The following KIAA0753 variants were observed in gnomAD, a reference collection of about 807,000 sequenced individuals.
The protein encoded by KIAA0753 is protein moonraker.
KIAA0753 carries 114 observed loss-of-function variants against 116.9 expected under a neutral mutation model. The ratio of observed to expected loss-of-function variants is 0.98; its 90% CI spans 0.84 to 1.14. The LOEUF (loss-of-function observed/expected upper bound fraction) is 1.14, where lower values mean the gene tolerates loss of function less well. Ranked by LOEUF, KIAA0753 falls within the 50% of genes most tolerant of loss-of-function variation. KIAA0753 has a pLI of 0.00. For synonymous variants in KIAA0753, 405 were observed against 413.1 expected (o/e 0.98, Z 0.24); for missense variants, 1,156 against 1,172.4 (o/e 0.99, Z 0.20).
intron 5 of KIAA0753, 137 bp downstream of exon 5, chr17:6,623,372 G>C: frequency 1.4e-6 from 1 of 716,342 alleles, no homozygotes; most frequent in South Asian, 1.9e-5. Flanking sequence ...GAATATGTAA[G>C]GTGCTCACTC....
At chr17:6,595,470 G>A (rs1362582412) in intron 15 of KIAA0753, among the ~76,000 whole-genome samples, 4 of 151,738 alleles carry the variant, frequency 2.6e-5, no homozygotes, top group African/African-American at 7.3e-5. Flanking sequence ...GGTAAACTGC[G>A]GATCTTTAAA....
chr17:6,593,904 T>C (rs1969273072), intron 16 of KIAA0753, among the ~76,000 whole-genome samples: 1 of 152,068 alleles, frequency 6.6e-6, no homozygotes, highest in South Asian at 2.1e-4. Context: ...AAAAAATCAC[T>C]TGAAAAGGTT....
rs532758743 is a variant in KIAA0753 at position 6,620,181 on chromosome 17, T to C, written c.1315+607A>G. Among the ~76,000 whole-genome samples, 8 of 152,310 alleles carry C rather than the reference T, an allele frequency of 5.3e-5. No individual in the cohort carries two copies. In the South Asian group the frequency reaches 1.7e-3, roughly 32 times the overall value. On this transcript the variant is annotated intron_variant, in intron 7 of 18. Coordinates refer to ENST00000361413, the MANE Select transcript of KIAA0753 (RefSeq NM_014804.3). ...AACCCTCACCAGGAATCAGAAAATG[T>C]AACAGAAAACAAGAAGATGCCACTG...
chr17:6,606,326 A>T (rs575848065), intron 12 of KIAA0753, among the ~76,000 whole-genome samples: 2 of 152,328 alleles, frequency 1.3e-5, no homozygotes, highest in East Asian at 3.9e-4. Flanking sequence ...CTATAGGATG[A>T]ATTATTATCA....
At chr17:6,624,733 C>T (rs1971554878) in intron 4 of KIAA0753, 22 bp downstream of exon 4, 5 of 1,518,868 alleles carry the variant, frequency 3.3e-6, no homozygotes, top group Non-Finnish European at 3.6e-6. Context: ...GACTGCCCTA[C>T]TTCTCCCTGA....
chr17:6,586,847 C>G (rs561925566), intron 18 of KIAA0753, among the ~76,000 whole-genome samples: 13 of 152,342 alleles, frequency 8.5e-5, no homozygotes, highest in African/African-American at 3.1e-4. Context: ...ACTCAGCTTT[C>G]TCCTTACCCA....
At chr17:6,602,267 C>T (rs1166857481) in intron 12 of KIAA0753, among the ~76,000 whole-genome samples, 1 of 152,200 alleles carries the variant, frequency 6.6e-6, no homozygotes, top group Non-Finnish European at 1.5e-5. Context: ...TACTCCTAGG[C>T]ATTTACCCAA....
At chr17:6,595,994 G>GA (rs754306967) in intron 15 of KIAA0753, among the ~76,000 whole-genome samples, 164 bp downstream of exon 15, 5 of 152,136 alleles carry the variant, frequency 3.3e-5, no homozygotes, top group Non-Finnish European at 7.4e-5. Context: ...CTTATCAGAG[G>GA]GGTTGACGAT....
At chr17:6,594,342 CTT>C (rs1969309640) in intron 16 of KIAA0753, among the ~76,000 whole-genome samples, 1 of 150,198 alleles carries the variant, frequency 6.7e-6, no homozygotes, top group South Asian at 2.1e-4. Flanking sequence ...GTGGCTTAAA[CTT>C]GTTACAAACT....
intron 6 of KIAA0753, among the ~76,000 whole-genome samples, 189 bp downstream of exon 6, chr17:6,622,693 A>C (rs1313826425): frequency 6.6e-6 from 1 of 152,254 alleles, no homozygotes; most frequent in Non-Finnish European, 1.5e-5. Context: ...CGAAGCAGTG[A>C]AATACGATAA....
chr17:6,596,017 C>G, intron 15 of KIAA0753, 141 bp downstream of exon 15: 1 of 781,852 alleles, frequency 1.3e-6, no homozygotes, highest in Non-Finnish European at 2.1e-6. Flanking sequence ...CAAGGTCATA[C>G]AGTTAGTTGG....
At chr17:6,630,905 A>G (rs921958887) in intron 2 of KIAA0753, among the ~76,000 whole-genome samples, 1 of 152,228 alleles carries the variant, frequency 6.6e-6, no homozygotes, top group African/African-American at 2.4e-5. Flanking sequence ...CATCTGAATC[A>G]CTTGTGCAAA....
chr17:6,603,007 CTAAG>C (rs1461559433), intron 12 of KIAA0753, among the ~76,000 whole-genome samples: 1 of 152,030 alleles, frequency 6.6e-6, no homozygotes, highest in Admixed American at 6.5e-5. Context: ...CAGGCGACCA[CTAAG>C]TAAGAGATAT....
intron 16 of KIAA0753, among the ~76,000 whole-genome samples, chr17:6,591,047 GAAGAAGAAGAAGAAGAAGAAGAAGAAGAA>G (rs1968990916): frequency 7.3e-4 from 73 of 99,378 alleles, no homozygotes; most frequent in East Asian, 7.2e-3. Context: ...GAAGGAAGAA[GAAGAAGAAGAAGAAGAAGAAGAAGAAGAA>G]GAAGAAGAAG....
In KIAA0753 at chr17:6,603,332, G is replaced by A. The variant is rs77045725; in HGVS notation, c.2010-2874C>T. ...CAGAATTAAAGGAAATAAATTGCCA[G>A]GCTTAAAAGGTCTACTGATGAATGA... On this transcript the variant is annotated intron_variant, in intron 12 of 18. Transcript: ENST00000361413. Among the ~76,000 whole-genome samples the A allele has an allele frequency of 1.2e-4, 18 of 152,274 alleles. 1 individual carries two copies. The East Asian group carries it at 3.3e-3, about 28-fold the overall frequency.
At position 6,628,880 on chromosome 17, in the gene KIAA0753, C is replaced by T. The variant is rs148050003; in HGVS notation, c.94-139G>A. 5.7e-3 allele frequency: 4,182 copies of T among 738,856 alleles called. 21 individuals carry two copies. The highest frequency in any genetic ancestry group is 6.3e-3 in the Non-Finnish European group (2,943 of 463,696). 45.8% of individuals were successfully genotyped at this position (738,856 alleles called of 1,614,324 possible). A position where few individuals can be genotyped will look rare whatever the true frequency, so the allele number is the denominator to read the frequency against. On this transcript the variant is annotated intron_variant, in intron 2 of 18. Transcript: ENST00000361413. ...GGCATTTTTCTGTTTTACTGATAGA[C>T]ACAGCCACGCTCCTACACCCTTGGG...
rs772946351 is a variant in KIAA0753 at position 6,595,038 on chromosome 17, C to T, written c.2374G>A (p.Val792Ile). The T allele has an allele frequency of 3.7e-6, 6 of 1,606,842 alleles. No homozygotes were observed. In the Admixed American group the frequency reaches 8.4e-5, roughly 23 times the overall value. The change falls in exon 16 of 19, where the codon GTT (valine) becomes ATT (isoleucine). Residue 792 changes from valine to isoleucine, a missense_variant. Physicochemically the swap from Val to Ile is conservative, Grantham distance 29. Transcript: ENST00000361413. ...MEEMEKYQESVRQRYNKIAYA... is the reference protein window; with the variant it reads ...MEEMEKYQESIRQRYNKIAYA... ...GCGATTTTATTATATCTTTGACGAA[C>T]AGACTCCTGGTATTTCTTTAAAAAA...
chr17:6,631,031 C>T lies in KIAA0753; in HGVS notation c.94-2290G>A, dbSNP rs139883405. ...GTAGCAGATAACTTTTCTGAATATACCTTTTTGTATATTTGGAACCATGTT... is the reference window on the plus strand; with the variant it reads ...GTAGCAGATAACTTTTCTGAATATATCTTTTTGTATATTTGGAACCATGTT... On this transcript the variant is annotated intron_variant, in intron 2 of 18. Coordinates refer to ENST00000361413, the MANE Select transcript of KIAA0753 (RefSeq NM_014804.3). Among the ~76,000 whole-genome samples the T allele has an allele frequency of 3.0e-3, 463 of 151,996 alleles. 5 individuals carry two copies. The highest frequency in any genetic ancestry group is 0.011 in the African/African-American group (449 of 41,426).
chr17:6,633,631 G>T (rs1307193591), intron 2 of KIAA0753, among the ~76,000 whole-genome samples: 1 of 152,210 alleles, frequency 6.6e-6, no homozygotes, highest in Non-Finnish European at 1.5e-5. Flanking sequence ...ATTGGAAGCA[G>T]CCCAGGTGTC....
Sources: allele counts gnomAD v4.1 joint callset (sites outside exome capture counted in the v4.1 genomes callset), GRCh38; gene constraint gnomAD v4.1.1; transcripts MANE v1.5; gene names NCBI Gene and HGNC (gene_info 2026-07-23, HGNC 2026-07-21).